The following ARID2 variants were observed in gnomAD, a reference collection of about 807,000 sequenced individuals.
ARID2 encodes the protein AT-rich interactive domain-containing protein 2.
In ARID2, 32 loss-of-function variants were observed where a neutral mutation model predicts 184.6. The ratio of observed to expected loss-of-function variants is 0.17; its 90% confidence interval spans 0.13 to 0.23. The LOEUF (loss-of-function observed/expected upper bound fraction) is 0.23, where lower values mean the gene tolerates loss of function less well. ARID2 is among the 10% of genes least tolerant of loss of function. The probability of loss-of-function intolerance (pLI) is 1.00; values close to 1 mark genes in which losing one functional copy is unlikely to be tolerated. For missense variants in ARID2, 1,696 were observed against 2,197.6 expected, an observed-to-expected ratio of 0.77 and a Z score of 4.56; for synonymous variants, 836 against 772.6, an observed-to-expected ratio of 1.08 and a Z score of -1.36.
chr12:45,774,443 C>T (rs1941937857), intron 3 of ARID2, among the ~76,000 whole-genome samples: 1 of 152,086 alleles, frequency 6.6e-6, no homozygotes, highest in Non-Finnish European at 1.5e-5. Flanking sequence ...CATTTGTATG[C>T]GTCTCACTTG....
Position 45,850,499 on chromosome 12 carries a change from T to A in ARID2, c.2376T>A (p.Ile792=). 5 of 1,614,004 alleles carry A rather than the reference T, an allele frequency of 3.1e-6. No individual in the cohort carries two copies. Among genetic ancestry groups the A allele is most frequent in the Non-Finnish European group, 4.2e-6 (5 of 1,179,976 alleles). ...CTTCAGGCACTCCTGTTACAGTAAT[T>A]CAACAAGCTGTCCCACAGAGTCATA... The part of the protein sequence containing the change: ...QIPSGTPVTV[I]QQAVPQSHMF... Residue 792 remains isoleucine, a synonymous_variant, in exon 15 of 21, where the codon ATT becomes ATA. Transcript: ENST00000334344.
At position 45,907,045 on chromosome 12, in the gene ARID2, T is replaced by A. The variant is rs933586756; in HGVS notation, c.*1967T>A. 3 of 231,738 alleles carry A rather than the reference T, an allele frequency of 1.3e-5. No individual in the cohort carries two copies. Among genetic ancestry groups the A allele is most frequent in the African/African-American group, 6.6e-5 (3 of 45,288 alleles). 14.4% of individuals were successfully genotyped at this position (231,738 alleles called of 1,614,324 possible). A position where few individuals can be genotyped will look rare whatever the true frequency, so the allele number is the denominator to read the frequency against. ...TCCTGAAGGAGGATCCCTGGCGCTGTCCTGCCATGTCTCAAAGGAATGTTT... is the reference window on the plus strand; with the variant it reads ...TCCTGAAGGAGGATCCCTGGCGCTGACCTGCCATGTCTCAAAGGAATGTTT... On this transcript the variant is annotated 3_prime_UTR_variant, in exon 21 of 21. Transcript: ENST00000334344.
chr12:45,758,976 T>C (rs1284251564), intron 3 of ARID2, among the ~76,000 whole-genome samples: 1 of 152,132 alleles, frequency 6.6e-6, no homozygotes, highest in African/African-American at 2.4e-5. Flanking sequence ...TATGTCCTGC[T>C]GAAACTTCTG....
intron 3 of ARID2, among the ~76,000 whole-genome samples, chr12:45,799,860 T>A (rs1565600763): frequency 6.6e-6 from 1 of 152,204 alleles, no homozygotes; most frequent in African/African-American, 2.4e-5. Context: ...TTTCTTTTTT[T>A]TCCCCTTCAG....
At chr12:45,892,491 T>TAC (rs1266294752) in intron 18 of ARID2, among the ~76,000 whole-genome samples, 2 of 151,876 alleles carry the variant, frequency 1.3e-5, no homozygotes, top group Non-Finnish European at 2.9e-5. Context: ...TATATATATA[T>TAC]ATACACACAC....
At chr12:45,846,647 G>A (rs1364388068) in intron 11 of ARID2, among the ~76,000 whole-genome samples, 1 of 152,040 alleles carries the variant, frequency 6.6e-6, no homozygotes. Flanking sequence ...AAACAAAATA[G>A]TTCATATGAA....
chr12:45,793,327 A>C (rs916123657), intron 3 of ARID2, among the ~76,000 whole-genome samples: 4 of 140,230 alleles, frequency 2.9e-5, no homozygotes, highest in Non-Finnish European at 6.1e-5. Flanking sequence ...TTGTATTTTT[A>C]TCTCTCTGCT....
chr12:45,850,784 A>G lies in ARID2; in HGVS notation c.2661A>G (p.Gln887=), dbSNP rs753241094. The G allele has an allele frequency of 1.9e-6, 3 of 1,614,126 alleles. No individual in the cohort carries two copies. Among genetic ancestry groups the G allele is most frequent in the East Asian group, 2.2e-5 (1 of 44,878 alleles). The change falls in exon 15 of 21, where the codon CAA becomes CAG. Residue 887 remains glutamine (Q), a synonymous_variant. Transcript: ENST00000334344. ...CTATTGCTGGTGTCCCAAGTCCACA[A>G]GCCTCAAGGGTAGGGTTTCAGAACA... The part of the protein sequence containing the change: ...MVTIAGVPSP[Q]ASRVGFQNIA...
intron 16 of ARID2, among the ~76,000 whole-genome samples, chr12:45,869,749 G>A (rs568930689): frequency 6.6e-6 from 1 of 151,824 alleles, no homozygotes; most frequent in Non-Finnish European, 1.5e-5. Flanking sequence ...CAGGCGTGGT[G>A]GCGGGCGACT....
At chr12:45,805,507 C>G (rs1303232217) in intron 3 of ARID2, among the ~76,000 whole-genome samples, 1 of 151,902 alleles carries the variant, frequency 6.6e-6, no homozygotes, top group Non-Finnish European at 1.5e-5. Flanking sequence ...ATTGCTTTCT[C>G]TTGTGTATAT....
Position 45,848,859 on chromosome 12 carries a change from A to G in ARID2, c.1604A>G (p.Asn535Ser), listed in dbSNP as rs2138154050. Residue 535 changes from asparagine (N) to serine (S), a missense_variant, in exon 13 of 21, where the codon AAT becomes AGT. Transcript: ENST00000334344. ...AGGCTAAATGCTCATTTTGAAGTAA[A>G]TCCAGATTGTTCTGTTTCTCGAGCA... ...CQWLNAHFEV[N>S]PDCSVSRAEM... 1 of 1,611,864 alleles carries G rather than the reference A, an allele frequency of 6.2e-7. No homozygotes were observed. The highest frequency in any genetic ancestry group is 1.3e-5 in the African/African-American group (1 of 74,952).
intron 16 of ARID2, among the ~76,000 whole-genome samples, chr12:45,863,617 T>G (rs1190639844): frequency 1.3e-5 from 2 of 152,020 alleles, no homozygotes; most frequent in Non-Finnish European, 2.9e-5. Context: ...CAGAAAACTT[T>G]CTTTGTTTCC....
chr12:45,740,345 TC>T (rs1468069393), intron 3 of ARID2, among the ~76,000 whole-genome samples: 2 of 152,134 alleles, frequency 1.3e-5, no homozygotes, highest in East Asian at 1.9e-4. Flanking sequence ...TGCTTACACT[TC>T]CTGTAGATCA....
At chr12:45,877,028 C>T (rs184993510) in intron 16 of ARID2, among the ~76,000 whole-genome samples, 1 of 147,278 alleles carries the variant, frequency 6.8e-6, no homozygotes, top group Non-Finnish European at 1.5e-5. Context: ...GGAGACAGAG[C>T]TTGCAGTGAG....
At chr12:45,776,816 G>A (rs922594509) in intron 3 of ARID2, among the ~76,000 whole-genome samples, 7 of 146,854 alleles carry the variant, frequency 4.8e-5, no homozygotes, top group Non-Finnish European at 8.9e-5. Context: ...ACAGTCTTGC[G>A]GGGTCGTCCA....
intron 3 of ARID2, among the ~76,000 whole-genome samples, chr12:45,743,400 G>T (rs1941299707): frequency 6.6e-6 from 1 of 151,956 alleles, no homozygotes; most frequent in South Asian, 2.1e-4. Flanking sequence ...TTACTGTGTT[G>T]CCCAGGCTTG....
At chr12:45,792,472 T>G (rs889916880) in intron 3 of ARID2, among the ~76,000 whole-genome samples, 1 of 152,226 alleles carries the variant, frequency 6.6e-6, no homozygotes, top group Non-Finnish European at 1.5e-5. Flanking sequence ...ATTCTATCTG[T>G]GCTTAAGTAT....
At chr12:45,768,822 T>C (rs187355104) in intron 3 of ARID2, among the ~76,000 whole-genome samples, 1 of 152,110 alleles carries the variant, frequency 6.6e-6, no homozygotes, top group South Asian at 2.1e-4. Flanking sequence ...CAATTTATGC[T>C]TCAGCACATT....
At chr12:45,745,831 G>C (rs1427576453) in intron 3 of ARID2, among the ~76,000 whole-genome samples, 1 of 152,102 alleles carries the variant, frequency 6.6e-6, no homozygotes, top group African/African-American at 2.4e-5. Context: ...TTACAGGCAT[G>C]AGCCACTGCG....
Sources: allele counts gnomAD v4.1 joint callset (sites outside exome capture counted in the v4.1 genomes callset), GRCh38; gene constraint gnomAD v4.1.1; transcripts MANE v1.5; gene names NCBI Gene and HGNC (gene_info 2026-07-23, HGNC 2026-07-21).